CABCOCO1: variants seen among roughly 807,000 people sequenced by gnomAD.
CABCOCO1 encodes the protein ciliary associated calcium binding coiled-coil 1.
CABCOCO1 carries 28 observed loss-of-function variants against 35.7 expected under a neutral mutation model. That is an observed-to-expected ratio of 0.78 (90% CI 0.58 to 1.07). The LOEUF is 1.07. Among genes scored for constraint, CABCOCO1 ranks in the 50% least tolerant of loss-of-function variants. The pLI, the probability that CABCOCO1 is intolerant of heterozygous loss-of-function variation, is 0.00. For missense variants in CABCOCO1, 326 were observed against 309.2 expected, an observed-to-expected ratio of 1.05 and a Z score of -0.41; for synonymous variants, 95 against 100.1, an observed-to-expected ratio of 0.95 and a Z score of 0.30.
At chr10:61,684,284 T>C (rs1328322474) in intron 3 of CABCOCO1, among the ~76,000 whole-genome samples, 1 of 152,222 alleles carries the variant, frequency 6.6e-6, no homozygotes, top group Non-Finnish European at 1.5e-5. Flanking sequence ...TTTTATGTAG[T>C]TTTATGCTTC....
chr10:61,700,232 T>C (rs897958075), intron 5 of CABCOCO1, among the ~76,000 whole-genome samples: 8 of 152,150 alleles, frequency 5.3e-5, no homozygotes, highest in African/African-American at 1.7e-4. Context: ...TTAAAATTTC[T>C]ATTCTAGGGG....
chr10:61,759,778 C>G (rs1589158303), intron 5 of CABCOCO1, among the ~76,000 whole-genome samples: 1 of 151,968 alleles, frequency 6.6e-6, no homozygotes, highest in African/African-American at 2.4e-5. Flanking sequence ...AAGGGGGATA[C>G]TGAAGCACAA....
chr10:61,672,736 G>A lies in CABCOCO1; in HGVS notation c.164+1G>A. On this transcript the variant is annotated splice_donor_variant, in intron 2 of 7. Coordinates refer to ENST00000648843, the MANE Select transcript of CABCOCO1 (RefSeq NM_001366906.2). LOFTEE classifies it high-confidence loss of function. ...TGGAGGACATCGATGGAGTTCAAGA[G>A]TAAGCACTTCACTATTACAATCACA... is the stretch of plus-strand genomic sequence containing the variant. 2.0e-6 allele frequency: 2 copies of A among 985,344 alleles called. No homozygotes were observed. The highest frequency in any genetic ancestry group is 2.4e-6 in the Non-Finnish European group (2 of 829,856). 61.0% of individuals were successfully genotyped at this position (985,344 alleles called of 1,614,324 possible). A position where few individuals can be genotyped will look rare whatever the true frequency, so the allele number is the denominator to read the frequency against.
At chr10:61,725,552 T>A (rs571174737) in intron 5 of CABCOCO1, among the ~76,000 whole-genome samples, 1 of 137,806 alleles carries the variant, frequency 7.3e-6, no homozygotes, top group African/African-American at 2.8e-5. Context: ...AGGTGGGAAC[T>A]GAACAATGAG....
intron 3 of CABCOCO1, among the ~76,000 whole-genome samples, chr10:61,684,321 A>G (rs10994874): frequency 0.034 from 5,106 of 152,316 alleles, 104 homozygotes; most frequent in Non-Finnish European, 0.05. Context: ...GTAGATAAGA[A>G]GCTATACTAA....
intron 5 of CABCOCO1, among the ~76,000 whole-genome samples, chr10:61,735,354 TAA>T (rs1841392583): frequency 1.3e-5 from 2 of 152,220 alleles, no homozygotes; most frequent in South Asian, 2.1e-4. Context: ...TAAAATCAGA[TAA>T]AGTCATTGAG....
intron 5 of CABCOCO1, among the ~76,000 whole-genome samples, chr10:61,753,004 C>T (rs778925148): frequency 8.5e-5 from 13 of 152,228 alleles, no homozygotes; most frequent in Non-Finnish European, 1.6e-4. Context: ...GAACCAAGGA[C>T]CTAGAGTTCT....
intron 5 of CABCOCO1, among the ~76,000 whole-genome samples, chr10:61,726,636 T>C (rs904065401): frequency 2.6e-5 from 4 of 152,080 alleles, no homozygotes; most frequent in Non-Finnish European, 5.9e-5. Context: ...GGGAAAATAT[T>C]GTAAGAGGGG....
chr10:61,666,222 C>A (rs1839168762), intron 1 of CABCOCO1, among the ~76,000 whole-genome samples: 1 of 152,218 alleles, frequency 6.6e-6, no homozygotes, highest in Non-Finnish European at 1.5e-5. Flanking sequence ...GACCCCACTC[C>A]ATCGTTACAG....
At chr10:61,695,541 C>G (rs1353620925) in intron 5 of CABCOCO1, among the ~76,000 whole-genome samples, 2 of 151,774 alleles carry the variant, frequency 1.3e-5, no homozygotes, top group Non-Finnish European at 2.9e-5. Context: ...TTACTTGAAC[C>G]CAAAATACAT....
intron 1 of CABCOCO1, among the ~76,000 whole-genome samples, chr10:61,664,774 GTGT>G (rs1554820116): frequency 6.6e-6 from 1 of 152,188 alleles, no homozygotes; most frequent in Non-Finnish European, 1.5e-5. Flanking sequence ...GCATAGAGCT[GTGT>G]CATTCATTAA....
chr10:61,760,150 A>G lies in CABCOCO1; in HGVS notation c.644A>G (p.Glu215Gly). ...ISFDIYSTFI[E>G]PPTILDTEMK... is the part of the protein sequence containing the mutation. Reference sequence around the variant, plus strand: ...TTTGATATTTATTCAACATTCATAGAGCCCCCCACAATATTGGATACGGAA... The same window carrying G: ...TTTGATATTTATTCAACATTCATAGGGCCCCCCACAATATTGGATACGGAA... Residue 215 changes from glutamate (E) to glycine (G), a missense_variant, in exon 6 of 8, where the codon GAG becomes GGG. Physicochemically the swap from Glu to Gly is moderately conservative, Grantham distance 98 (BLOSUM62 -2). Transcript: ENST00000648843. 1 of 1,612,004 alleles carries G rather than the reference A, an allele frequency of 6.2e-7. No homozygotes were observed. Among genetic ancestry groups the G allele is most frequent in the Admixed American group, 1.7e-5 (1 of 59,860 alleles).
At chr10:61,738,258 AC>A (rs1435529193) in intron 5 of CABCOCO1, among the ~76,000 whole-genome samples, 1 of 152,128 alleles carries the variant, frequency 6.6e-6, no homozygotes, top group Admixed American at 6.6e-5. Context: ...CCCAAAAGAG[AC>A]AGGAATGGAG....
Position 61,665,319 on chromosome 10 carries a change from A to T in CABCOCO1, c.60+2287A>T, listed in dbSNP as rs915669282. Among the ~76,000 whole-genome samples the T allele has an allele frequency of 2.6e-5, 4 of 152,348 alleles. No individual in the cohort carries two copies. The East Asian group carries it at 7.7e-4, about 29-fold the overall frequency. On this transcript the variant is annotated intron_variant, in intron 1 of 7. Coordinates refer to ENST00000648843, the MANE Select transcript of CABCOCO1 (RefSeq NM_001366906.2). ...CTAGAGAAATTATTTTTTCTGTGAC[A>T]TTGAATAAGTCCTGCTTGCCAACCT... is the stretch of plus-strand genomic sequence containing the variant.
intron 1 of CABCOCO1, among the ~76,000 whole-genome samples, chr10:61,664,774 G>C (rs1564526581): frequency 6.6e-6 from 1 of 152,188 alleles, no homozygotes; most frequent in East Asian, 1.9e-4. Flanking sequence ...GCATAGAGCT[G>C]TGTCATTCAT....
At chr10:61,725,691 T>C (rs1012063569) in intron 5 of CABCOCO1, among the ~76,000 whole-genome samples, 3 of 152,022 alleles carry the variant, frequency 2.0e-5, no homozygotes, top group African/African-American at 7.3e-5. Flanking sequence ...CACACCAACA[T>C]GGCACATGTA....
intron 4 of CABCOCO1, among the ~76,000 whole-genome samples, chr10:61,689,454 C>T (rs1840067106): frequency 6.6e-6 from 1 of 152,066 alleles, no homozygotes; most frequent in Non-Finnish European, 1.5e-5. Flanking sequence ...ACTCTGCACA[C>T]CCATCACTTT....
At chr10:61,693,744 T>G (rs1840218610) in intron 5 of CABCOCO1, among the ~76,000 whole-genome samples, 1 of 152,138 alleles carries the variant, frequency 6.6e-6, no homozygotes, top group South Asian at 2.1e-4. Flanking sequence ...ACTTCTCATT[T>G]GCTGGAAATA....
At chr10:61,730,319 G>T (rs1394675973) in intron 5 of CABCOCO1, among the ~76,000 whole-genome samples, 1 of 152,036 alleles carries the variant, frequency 6.6e-6, no homozygotes, top group Non-Finnish European at 1.5e-5. Context: ...AGCTTGAAGG[G>T]ACTCCTCCTA....
Sources: allele counts gnomAD v4.1 joint callset (sites outside exome capture counted in the v4.1 genomes callset), GRCh38; gene constraint gnomAD v4.1.1; transcripts MANE v1.5; gene names NCBI Gene and HGNC (gene_info 2026-07-23, HGNC 2026-07-21).